The following DMTF1 variants were observed in gnomAD, a reference collection of about 807,000 sequenced individuals.
DMTF1 encodes cyclin-D-binding Myb-like transcription factor 1.
DMTF1 carries 39 observed loss-of-function variants against 91.1 expected under a neutral mutation model. The observed-to-expected ratio is 0.43, with a 90% CI of 0.33 to 0.56. The LOEUF is 0.56. Among genes scored for constraint, DMTF1 ranks in the 20% least tolerant of loss-of-function variants. The pLI is 0.05. For synonymous variants in DMTF1, 338 were observed against 309.5 expected (o/e 1.09, Z -0.97); for missense variants, 750 against 914.5 (o/e 0.82, Z 2.32).
At chr7:87,184,692 C>A in intron 11 of DMTF1, 67 bp downstream of exon 11, 1 of 1,418,168 alleles carries the variant, frequency 7.1e-7, no homozygotes, top group South Asian at 1.2e-5. Flanking sequence ...ATAGACTTTC[C>A]TCTTTTGGTT....
Position 87,195,917 on chromosome 7 carries a change from T to C in DMTF1, c.*777T>C, listed in dbSNP as rs1221733132. The C allele has an allele frequency of 1.3e-5, 2 of 152,484 alleles. No homozygotes were observed. Among genetic ancestry groups the C allele is most frequent in the African/African-American group, 4.8e-5 (2 of 41,414 alleles). 9.4% of individuals were successfully genotyped at this position (152,484 alleles called of 1,614,324 possible). A position where few individuals can be genotyped will look rare whatever the true frequency, so the allele number is the denominator to read the frequency against. On this transcript the variant is annotated 3_prime_UTR_variant, in exon 18 of 18. Transcript: ENST00000331242. The stretch of plus-strand genomic sequence containing the variant: ...TTACCTATCCTTGATACCATGACCA[T>C]TTATTAGATGTTTTGCTATATAAAT...
At chr7:87,192,857 T>A (rs1008284371) in intron 14 of DMTF1, 8 of 195,130 alleles carry the variant, frequency 4.1e-5, no homozygotes, top group Non-Finnish European at 6.4e-5. Context: ...CTTTTTTTTT[T>A]AAACTGGGGG....
At chr7:87,165,843 C>G (rs1010776330) in intron 3 of DMTF1, among the ~76,000 whole-genome samples, 108 of 152,158 alleles carry the variant, frequency 7.1e-4, no homozygotes, top group African/African-American at 2.2e-3. Context: ...TTGAAGACTT[C>G]TTGATAGTAT....
chr7:87,177,563 T>C (rs1275077363), intron 7 of DMTF1, among the ~76,000 whole-genome samples: 1 of 152,204 alleles, frequency 6.6e-6, no homozygotes, highest in East Asian at 1.9e-4. Flanking sequence ...TCCTCCTCTT[T>C]AGGTGTCATT....
chr7:87,192,472 C>G (rs1489048154), intron 14 of DMTF1: 1 of 151,998 alleles, frequency 6.6e-6, no homozygotes, highest in Non-Finnish European at 1.5e-5. Flanking sequence ...ATAAGGAAAC[C>G]TATATTTGGG....
At chr7:87,175,177 C>T (rs560948271) in intron 7 of DMTF1, among the ~76,000 whole-genome samples, 13 of 151,858 alleles carry the variant, frequency 8.6e-5, no homozygotes, top group Non-Finnish European at 1.2e-4. Context: ...TGCACCACCA[C>T]GCCCGGCTAA....
chr7:87,192,275 A>G (rs1201296641), intron 14 of DMTF1, among the ~76,000 whole-genome samples: 1 of 152,140 alleles, frequency 6.6e-6, no homozygotes, highest in Non-Finnish European at 1.5e-5. Flanking sequence ...TAATATATAC[A>G]TGTACATATA....
intron 16 of DMTF1, 122 bp from the exon 17 acceptor site, chr7:87,194,562 T>C (rs952737364): frequency 1.0e-4 from 71 of 706,184 alleles, no homozygotes; most frequent in Non-Finnish European, 1.5e-4. Context: ...CTTAACTTTT[T>C]ATTTTATATT....
At chr7:87,192,257 AAC>A (rs1389047237) in intron 14 of DMTF1, among the ~76,000 whole-genome samples, 1 of 152,160 alleles carries the variant, frequency 6.6e-6, no homozygotes, top group Non-Finnish European at 1.5e-5. Context: ...TATTAAATAA[AAC>A]ACATATAATA....
At chr7:87,180,594 C>T (rs923882636) in intron 8 of DMTF1, among the ~76,000 whole-genome samples, 3 of 152,056 alleles carry the variant, frequency 2.0e-5, no homozygotes, top group Non-Finnish European at 2.9e-5. Flanking sequence ...TTAATTTGTT[C>T]AGTGCTTTGA....
chr7:87,188,807 AT>A (rs1194560430), intron 13 of DMTF1, among the ~76,000 whole-genome samples: 1 of 152,152 alleles, frequency 6.6e-6, no homozygotes, highest in Non-Finnish European at 1.5e-5. Flanking sequence ...GGACAGTTTT[AT>A]GCTTAATGAG....
chr7:87,172,868 G>A (rs1795404026), intron 5 of DMTF1, among the ~76,000 whole-genome samples: 1 of 152,244 alleles, frequency 6.6e-6, no homozygotes, highest in Non-Finnish European at 1.5e-5. Context: ...AGCTAGTGGT[G>A]GTTGCACAGA....
chr7:87,152,707 C>T (rs1203713925), intron 1 of DMTF1, 152 bp downstream of exon 1: 1 of 153,734 alleles, frequency 6.5e-6, no homozygotes. Flanking sequence ...GCCTGGCCTT[C>T]CTGACGTTGC....
At chr7:87,179,121 T>TG (rs1387976984) in intron 7 of DMTF1, among the ~76,000 whole-genome samples, 4 of 152,092 alleles carry the variant, frequency 2.6e-5, no homozygotes, top group African/African-American at 9.7e-5. Flanking sequence ...TGTCTTTTTT[T>TG]AAAATTTTGG....
At chr7:87,154,404 C>G (rs981351842) in intron 1 of DMTF1, 2 of 152,596 alleles carry the variant, frequency 1.3e-5, no homozygotes, top group African/African-American at 4.8e-5. Context: ...TAGGCTCACC[C>G]CAAAATATGC....
At chr7:87,187,427 T>G (rs1798704875) in intron 12 of DMTF1, 1 of 152,292 alleles carries the variant, frequency 6.6e-6, no homozygotes, top group South Asian at 2.1e-4. Flanking sequence ...TAGTCCCAGC[T>G]ATTGGGGAGC....
intron 3 of DMTF1, 100 bp from the exon 4 acceptor site, chr7:87,166,383 A>G: frequency 7.8e-7 from 1 of 1,286,606 alleles, no homozygotes; most frequent in Non-Finnish European, 1.1e-6. Context: ...AATTGGTAAG[A>G]AAATTTTTTT....
chr7:87,193,751 T>C lies in DMTF1; in HGVS notation c.1677T>C (p.Asp559=), dbSNP rs933504038. ...LSPEHLLNTS[D]NVTVQCHTPR... The stretch of plus-strand genomic sequence containing the variant: ...CAGAACATTTGTTGAACACAAGTGA[T>C]AATGTTACAGTGCAGTGTCACACAC... The change falls in exon 16 of 18, where the codon GAT becomes GAC. Residue 559 remains aspartate, a synonymous_variant. Transcript: ENST00000331242. 3.7e-6 allele frequency: 6 copies of C among 1,606,482 alleles called. No homozygotes were observed. Among genetic ancestry groups the C allele is most frequent in the Non-Finnish European group, 5.1e-6 (6 of 1,176,756 alleles).
chr7:87,194,863 A>T (rs193192251), intron 17 of DMTF1, 35 bp downstream of exon 17: 2 of 1,571,748 alleles, frequency 1.3e-6, no homozygotes, highest in African/African-American at 2.7e-5. Flanking sequence ...GTGCCTGATA[A>T]ATTTTAGATG....
Sources: allele counts gnomAD v4.1 joint callset (sites outside exome capture counted in the v4.1 genomes callset), GRCh38; gene constraint gnomAD v4.1.1; transcripts MANE v1.5; gene names NCBI Gene and HGNC (gene_info 2026-07-23, HGNC 2026-07-21).